COMMD4: variants seen among roughly 807,000 people sequenced by gnomAD.
The protein encoded by COMMD4 is COMM domain-containing protein 4.
COMMD4 carries 18 observed loss-of-function variants against 27.5 expected under a neutral mutation model. The observed-to-expected ratio is 0.65, with a 90% CI of 0.45 to 0.97. The LOEUF is 0.97. Ranked by LOEUF, COMMD4 falls within the 50% of genes least tolerant of loss-of-function variation. The probability of loss-of-function intolerance (pLI) is 0.00; values close to 1 mark genes in which losing one functional copy is unlikely to be tolerated. For missense variants in COMMD4, 243 were observed against 250.0 expected (o/e 0.97, Z 0.19); for synonymous variants, 108 against 108.4 (o/e 1.00, Z 0.02).
At chr15:75,340,278 T>A, downstream of COMMD4, 1 of 499,882 alleles carries the variant, frequency 2.0e-6, no homozygotes, top group Admixed American at 3.2e-5. Flanking sequence ...AAGGAATGTG[T>A]GCAGGGGGTT....
In COMMD4 at chr15:75,339,798, A is replaced by T. The variant is rs779913907; in HGVS notation, c.479A>T (p.Glu160Val). The T allele has an allele frequency of 6.2e-7, 1 of 1,613,920 alleles. No individual in the cohort carries two copies. The highest frequency in any genetic ancestry group is 1.7e-5 in the Admixed American group (1 of 60,020). ...GAGCCCATGGTGCACCTGCGGCTGG[A>T]GGTGGCAGCTGCCCCAGGGACCCCA... Reference protein sequence around the residue: ...VEEPMVHLRLEVAAAPGTPAQ... With the variant: ...VEEPMVHLRLVVAAAPGTPAQ... The change falls in exon 7 of 8, where the codon GAG (glutamate) becomes GTG (valine). Residue 160 changes from glutamate (E) to valine (V), a missense_variant. Physicochemically the swap from Glu to Val is moderately radical, Grantham distance 121. Transcript: ENST00000267935.
Position 75,338,045 on chromosome 15 carries a change from G to C in COMMD4, c.4-17G>C. ...AGGCCTCCCTCCAGCCTGATTACCT[G>C]CCTCCCTCCCTTGCAGAGGTTCCGG... On this transcript the variant is annotated splice_polypyrimidine_tract_variant and intron_variant, in intron 1 of 7. Coordinates refer to ENST00000267935, the MANE Select transcript of COMMD4 (RefSeq NM_017828.5). 3 of 1,599,056 alleles carry C rather than the reference G, an allele frequency of 1.9e-6. No homozygotes were observed. The highest frequency in any genetic ancestry group is 2.6e-6 in the Non-Finnish European group (3 of 1,172,604).
intron 7 of COMMD4, 41 bp from the exon 8 acceptor site, chr15:75,339,924 C>T (rs778023131): frequency 6.8e-6 from 11 of 1,613,954 alleles, no homozygotes; most frequent in African/African-American, 2.7e-5. Context: ...CTCCCAGATC[C>T]GCCTGACTGC....
downstream of COMMD4, chr15:75,343,170 C>G (rs1438740004): frequency 6.6e-6 from 1 of 152,064 alleles, no homozygotes; most frequent in Non-Finnish European, 1.5e-5. Flanking sequence ...ACACTGTACT[C>G]CATAAATTTA....
chr15:75,338,024 C>G (rs200477094), intron 1 of COMMD4, 38 bp from the exon 2 acceptor site: 1 of 1,557,364 alleles, frequency 6.4e-7, no homozygotes, highest in East Asian at 2.3e-5. Flanking sequence ...CACCTCAGGC[C>G]TCCCTCCAGC....
At chr15:75,341,180 C>T (rs2071425538), downstream of COMMD4, 1 of 155,060 alleles carries the variant, frequency 6.4e-6, no homozygotes, top group South Asian at 2.0e-4. Context: ...CTTGAACTTC[C>T]CAGCCTCCAG....
chr15:75,339,967 C>T lies in COMMD4; in HGVS notation c.562C>T (p.Leu188=). The change falls in exon 8 of 8, where the codon CTG becomes TTG. Residue 188 remains leucine, a splice_region_variant and synonymous_variant. Coordinates refer to ENST00000267935, the MANE Select transcript of COMMD4 (RefSeq NM_017828.5). ...ADKFQVLLAE[L]KQAQTLMSSL... ...CTGCCCACCTCTTCCCTCTGCAGAACTGAAGCAGGCCCAGACCCTGATGAG... is the reference window on the plus strand; with the variant it reads ...CTGCCCACCTCTTCCCTCTGCAGAATTGAAGCAGGCCCAGACCCTGATGAG... 1 of 1,614,186 alleles carries T rather than the reference C, an allele frequency of 6.2e-7. No individual in the cohort carries two copies. Among genetic ancestry groups the T allele is most frequent in the Non-Finnish European group, 8.5e-7 (1 of 1,180,022 alleles).
rs201778584 is a variant in COMMD4, at chr15:75,338,094, C to T, written c.36C>T (p.Pro12=). The change falls in exon 2 of 8, where the codon CCC becomes CCT. Residue 12 remains proline, a synonymous_variant. Transcript: ENST00000267935. ...RFRFCGDLDC[P]DWVLAEISTL... is the part of the protein sequence containing the mutation. ...GGTTCTGTGGTGATCTGGACTGTCC[C>T]GACTGGGTCCTGGCAGAAATCAGCA... 8 of 1,608,692 alleles carry T rather than the reference C, an allele frequency of 5.0e-6. No individual in the cohort carries two copies. Among genetic ancestry groups the T allele is most frequent in the African/African-American group, 4.0e-5 (3 of 74,862 alleles).
At chr15:75,341,137 G>C (rs770904185), downstream of COMMD4, 1 of 154,322 alleles carries the variant, frequency 6.5e-6, no homozygotes, top group African/African-American at 2.4e-5. Flanking sequence ...AAAGAGGGCT[G>C]TCAACAGGAA....
rs557643509 is a variant in COMMD4, at chr15:75,336,080, T to C, written c.-10T>C. On this transcript the variant is annotated 5_prime_UTR_variant, in exon 1 of 8. Coordinates refer to ENST00000267935, the MANE Select transcript of COMMD4 (RefSeq NM_017828.5). ...AAAAAGAAATTCCCGGGCCCTGGCT[T>C]CTTGGCGCGATGGTGAGGCACTAGG... 189 of 1,549,762 alleles carry C rather than the reference T, an allele frequency of 1.2e-4. 3 individuals carry two copies. In the East Asian group the frequency reaches 4.1e-3, roughly 33 times the overall value.
rs1355080852 is a variant in COMMD4 at position 75,339,253 on chromosome 15, T to G, written c.302-11T>G. On this transcript the variant is annotated splice_polypyrimidine_tract_variant and intron_variant, in intron 5 of 7. Coordinates refer to ENST00000267935, the MANE Select transcript of COMMD4 (RefSeq NM_017828.5). Reference sequence around the variant, plus strand: ...CATGCTACCTCCAGAGCTACTCCATTCTACCCCCAGAGCACGCGGCCAGCC... The same window carrying G: ...CATGCTACCTCCAGAGCTACTCCATGCTACCCCCAGAGCACGCGGCCAGCC... 6.2e-7 allele frequency: 1 copy of G among 1,612,162 alleles called. No individual in the cohort carries two copies. The highest frequency in any genetic ancestry group is 8.5e-7 in the Non-Finnish European group (1 of 1,180,010).
At position 75,340,178 on chromosome 15, in the gene COMMD4, T is replaced by C; in HGVS notation, c.*173T>C. The C allele has an allele frequency of 1.5e-6, 1 of 662,724 alleles. No homozygotes were observed. Among genetic ancestry groups the C allele is most frequent in the Non-Finnish European group, 2.5e-6 (1 of 393,886 alleles). 41.1% of individuals were successfully genotyped at this position (662,724 alleles called of 1,614,324 possible). On this transcript the variant is annotated 3_prime_UTR_variant, in exon 8 of 8. Coordinates refer to ENST00000267935, the MANE Select transcript of COMMD4 (RefSeq NM_017828.5). Reference sequence around the variant, plus strand: ...CTCTCTTGAGAACTTGGCTCAGGGCTCCTGAGGACCTTTCCCAGCATTACC... The same window carrying C: ...CTCTCTTGAGAACTTGGCTCAGGGCCCCTGAGGACCTTTCCCAGCATTACC...
At position 75,340,179 on chromosome 15, in the gene COMMD4, C is replaced by T. The variant is rs2071408999; in HGVS notation, c.*174C>T. 3.1e-6 allele frequency: 2 copies of T among 649,744 alleles called. No homozygotes were observed. The highest frequency in any genetic ancestry group is 5.2e-6 in the Non-Finnish European group (2 of 382,970). The allele number at this position is 649,744 out of a possible 1,614,324, so 40.2% of individuals were successfully genotyped here. On this transcript the variant is annotated 3_prime_UTR_variant, in exon 8 of 8. Coordinates refer to ENST00000267935, the MANE Select transcript of COMMD4 (RefSeq NM_017828.5). Reference sequence around the variant, plus strand: ...TCTCTTGAGAACTTGGCTCAGGGCTCCTGAGGACCTTTCCCAGCATTACCT... The same window carrying T: ...TCTCTTGAGAACTTGGCTCAGGGCTTCTGAGGACCTTTCCCAGCATTACCT...
downstream of COMMD4, chr15:75,340,347 CTTGGTCCATCACTCATTT>C: frequency 3.5e-6 from 1 of 285,724 alleles, no homozygotes; most frequent in South Asian, 9.2e-5. Context: ...TACAGGCCTT[CTTGGTCCATCACTCATTT>C]TCTTTTCTCA....
chr15:75,339,497 CA>C (rs1567208426), intron 6 of COMMD4, 153 bp downstream of exon 6: 2 of 1,292,564 alleles, frequency 1.5e-6, no homozygotes, highest in Non-Finnish European at 2.2e-6. Flanking sequence ...CCTGACTCCC[CA>C]CAAGGTTTCT....
chr15:75,338,538 C>T lies in COMMD4; in HGVS notation c.142-108C>T, dbSNP rs555322359. 1.8e-3 allele frequency: 2,838 copies of T among 1,570,648 alleles called. 4 individuals are homozygous for T. Among genetic ancestry groups the T allele is most frequent in the Non-Finnish European group, 2.3e-3 (2,603 of 1,150,276 alleles). On this transcript the variant is annotated intron_variant, in intron 3 of 7. Transcript: ENST00000267935. Reference sequence around the variant, plus strand: ...AGCCTCTCAACCTCTCTGGGCACCTCCCTTCCTTCTTTCCAGCCTGTCTGT... The same window carrying T: ...AGCCTCTCAACCTCTCTGGGCACCTTCCTTCCTTCTTTCCAGCCTGTCTGT...
chr15:75,339,392 G>A (rs767989499), intron 6 of COMMD4, 48 bp downstream of exon 6: 14 of 1,592,844 alleles, frequency 8.8e-6, no homozygotes, highest in Admixed American at 7.1e-5. Flanking sequence ...GAAGGTGCAC[G>A]CAGCACACAA....
At chr15:75,338,037 G>A (rs1412659337) in intron 1 of COMMD4, 25 bp from the exon 2 acceptor site, 1 of 1,593,612 alleles carries the variant, frequency 6.3e-7, no homozygotes, top group Admixed American at 1.7e-5. Flanking sequence ...CCTCCAGCCT[G>A]ATTACCTGCC....
downstream of COMMD4, chr15:75,341,545 A>G (rs1012300289): frequency 2.0e-5 from 3 of 152,208 alleles, no homozygotes; most frequent in Non-Finnish European, 2.9e-5. Flanking sequence ...GATGTTACAT[A>G]TAAAACAAAC....
Sources: allele counts gnomAD v4.1 joint callset, GRCh38; gene constraint gnomAD v4.1.1; transcripts MANE v1.5; gene names NCBI Gene and HGNC (gene_info 2026-07-23, HGNC 2026-07-21).